Variants in RSRC1 observed in about 807,000 individuals in gnomAD.
The protein encoded by RSRC1 is serine/Arginine-related protein 53.
In RSRC1, 39 loss-of-function variants were observed where a neutral mutation model predicts 49.1. That is an observed-to-expected ratio of 0.79 (90% CI 0.61 to 1.04). The LOEUF (loss-of-function observed/expected upper bound fraction) is 1.04, where lower values mean the gene tolerates loss of function less well. RSRC1 is among the 50% of genes least tolerant of loss of function. The pLI, the probability that RSRC1 is intolerant of heterozygous loss-of-function variation, is 0.00. For synonymous variants in RSRC1, 143 were observed against 130.8 expected, an observed-to-expected ratio of 1.09 and a Z score of -0.63; for missense variants, 388 against 402.4, an observed-to-expected ratio of 0.96 and a Z score of 0.31.
chr3:158,367,028 T>A (rs992301063), intron 6 of RSRC1, among the ~76,000 whole-genome samples: 2 of 152,202 alleles, frequency 1.3e-5, no homozygotes, highest in Non-Finnish European at 2.9e-5. Flanking sequence ...GTTTATCAGC[T>A]TAAGGAGATT....
intron 7 of RSRC1, among the ~76,000 whole-genome samples, chr3:158,488,161 T>C (rs1168623620): frequency 1.3e-5 from 2 of 152,016 alleles, no homozygotes; most frequent in Admixed American, 6.6e-5. Flanking sequence ...TTTACAACTA[T>C]CCTAGAAAAT....
At chr3:158,413,817 T>C (rs1734598994) in intron 6 of RSRC1, among the ~76,000 whole-genome samples, 1 of 152,116 alleles carries the variant, frequency 6.6e-6, no homozygotes, top group South Asian at 2.1e-4. Context: ...ATGGCAATTA[T>C]TAAAATGTCA....
intron 3 of RSRC1, among the ~76,000 whole-genome samples, chr3:158,144,425 G>T (rs1015146812): frequency 6.6e-6 from 1 of 152,040 alleles, no homozygotes; most frequent in African/African-American, 2.4e-5. Flanking sequence ...GAGAATGATG[G>T]TTTCCAGCTT....
At chr3:158,129,288 CTTT>C (rs71144439) in intron 3 of RSRC1, among the ~76,000 whole-genome samples, 57 of 71,070 alleles carry the variant, frequency 8.0e-4, no homozygotes, top group Middle Eastern at 0.011. Flanking sequence ...TTCTTTCTTT[CTTT>C]TTTTTTTTTT....
chr3:158,284,766 T>G (rs1268872741), intron 4 of RSRC1, among the ~76,000 whole-genome samples: 2 of 151,978 alleles, frequency 1.3e-5, no homozygotes, highest in Non-Finnish European at 2.9e-5. Flanking sequence ...TGAATTTGTT[T>G]GAGTTCATTG....
chr3:158,463,483 T>C (rs946404970), intron 7 of RSRC1, among the ~76,000 whole-genome samples: 1 of 152,146 alleles, frequency 6.6e-6, no homozygotes, highest in African/African-American at 2.4e-5. Context: ...TTATTTTCAG[T>C]CTGTAAGCCA....
At position 158,539,276 on chromosome 3, in the gene RSRC1, A is replaced by G. The variant is rs1269230097; in HGVS notation, c.759+2078A>G. 6.6e-6 allele frequency among the ~76,000 whole-genome samples: 1 copy of G among 152,028 alleles called. No individual in the cohort carries two copies. Among genetic ancestry groups the G allele is most frequent in the Non-Finnish European group, 1.5e-5 (1 of 67,938 alleles). On this transcript the variant is annotated intron_variant, in intron 8 of 9. Transcript: ENST00000611884. The surrounding 1 kb of genome is among the most constrained non-coding windows in gnomAD (Gnocchi z 4.1). ...TTTGTTTAGCTGTGTTAATTCCACTAATTAAGCTAGGGAGCTTTTACCAGA... is the reference window on the plus strand; with the variant it reads ...TTTGTTTAGCTGTGTTAATTCCACTGATTAAGCTAGGGAGCTTTTACCAGA...
At chr3:158,403,367 G>C (rs1357365190) in intron 6 of RSRC1, among the ~76,000 whole-genome samples, 1 of 151,694 alleles carries the variant, frequency 6.6e-6, no homozygotes, top group African/African-American at 2.4e-5. Flanking sequence ...CTTTTTTAGA[G>C]ACACTGAAGC....
intron 5 of RSRC1, among the ~76,000 whole-genome samples, chr3:158,325,427 A>G (rs928860747): frequency 3.9e-5 from 6 of 152,208 alleles, no homozygotes; most frequent in African/African-American, 1.2e-4. Flanking sequence ...GAAGTGATCC[A>G]GTTTCAGCTT....
chr3:158,375,576 G>A (rs1459598364), intron 6 of RSRC1, among the ~76,000 whole-genome samples: 2 of 151,950 alleles, frequency 1.3e-5, no homozygotes, highest in African/African-American at 4.8e-5. Flanking sequence ...TATTCATTTA[G>A]TGAGGCAAAC....
chr3:158,335,834 T>C (rs946407325), intron 5 of RSRC1, among the ~76,000 whole-genome samples: 1 of 152,212 alleles, frequency 6.6e-6, no homozygotes. Flanking sequence ...ATTTGTTTAA[T>C]TGATGAACAG....
intron 4 of RSRC1, among the ~76,000 whole-genome samples, chr3:158,224,857 G>C (rs1239218112): frequency 4.0e-5 from 6 of 151,838 alleles, no homozygotes; most frequent in Non-Finnish European, 8.8e-5. Context: ...TATTTTGAGA[G>C]AAGAATATTA....
intron 5 of RSRC1, among the ~76,000 whole-genome samples, chr3:158,332,004 A>T (rs1159953729): frequency 6.6e-6 from 1 of 152,050 alleles, no homozygotes; most frequent in Non-Finnish European, 1.5e-5. Context: ...CATAAATAAA[A>T]GTAGAACTTA....
At chr3:158,140,328 T>C (rs1177704748) in intron 3 of RSRC1, among the ~76,000 whole-genome samples, 2 of 152,218 alleles carry the variant, frequency 1.3e-5, no homozygotes, top group Non-Finnish European at 2.9e-5. Flanking sequence ...TTATTTTCCT[T>C]ACATGGATTG....
chr3:158,475,163 A>G (rs991326954), intron 7 of RSRC1, among the ~76,000 whole-genome samples: 3 of 152,144 alleles, frequency 2.0e-5, no homozygotes, highest in East Asian at 3.9e-4. Context: ...GGCTCAAGCA[A>G]TCCTCCCACC....
At chr3:158,128,622 G>A (rs1017251143) in intron 3 of RSRC1, among the ~76,000 whole-genome samples, 8 of 151,946 alleles carry the variant, frequency 5.3e-5, no homozygotes, top group African/African-American at 1.9e-4. Context: ...TACAGTAATC[G>A]AAAGCAGGAC....
At chr3:158,496,073 C>T (rs934600609) in intron 7 of RSRC1, among the ~76,000 whole-genome samples, 1 of 151,880 alleles carries the variant, frequency 6.6e-6, no homozygotes, top group African/African-American at 2.4e-5. Flanking sequence ...TATTTGTGCC[C>T]CTCTACTACT....
chr3:158,277,827 C>G (rs191990307), intron 4 of RSRC1, among the ~76,000 whole-genome samples: 77 of 152,024 alleles, frequency 5.1e-4, no homozygotes, highest in Non-Finnish European at 9.4e-4. Context: ...ACTCTGTGGC[C>G]AGGCTTATAT....
intron 6 of RSRC1, among the ~76,000 whole-genome samples, chr3:158,379,895 A>G (rs1175354635): frequency 6.7e-6 from 1 of 148,880 alleles, no homozygotes; most frequent in African/African-American, 2.5e-5. Context: ...CACTGTTTCC[A>G]TCTCTAGTTA....
Sources: allele counts gnomAD v4.1 joint callset (sites outside exome capture counted in the v4.1 genomes callset), GRCh38; gene constraint gnomAD v4.1.1; non-coding constraint Gnocchi (gnomAD v3.1); transcripts MANE v1.5; gene names NCBI Gene and HGNC (gene_info 2026-07-23, HGNC 2026-07-21).